The following ADGRL2 variants were observed in gnomAD, a reference collection of about 807,000 sequenced individuals.
ADGRL2 encodes calcium-independent alpha-latrotoxin receptor 2.
Under a neutral mutation model 157.4 loss-of-function variants are expected in ADGRL2, and 44 were observed. The observed-to-expected ratio is 0.28, with a 90% CI of 0.22 to 0.36. The LOEUF is 0.36. Among genes scored for constraint, ADGRL2 ranks in the 10% least tolerant of loss-of-function variants. The probability of loss-of-function intolerance (pLI) is 1.00; values close to 1 mark genes in which losing one functional copy is unlikely to be tolerated. For missense variants in ADGRL2, 1,510 were observed against 1,768.9 expected, an observed-to-expected ratio of 0.85 and a Z score of 2.63; for synonymous variants, 585 against 624.7, an observed-to-expected ratio of 0.94 and a Z score of 0.95.
chr1:81,481,385 A>G (rs2078383324), intron 2 of ADGRL2, among the ~76,000 whole-genome samples: 1 of 152,206 alleles, frequency 6.6e-6, no homozygotes, highest in African/African-American at 2.4e-5. Context: ...GAAGGATGCA[A>G]TAATCAACAT....
At chr1:81,416,376 A>T (rs2077035124) in intron 1 of ADGRL2, among the ~76,000 whole-genome samples, 1 of 151,796 alleles carries the variant, frequency 6.6e-6, no homozygotes, top group African/African-American at 2.4e-5. Flanking sequence ...CAGCACATTC[A>T]TCTCTACCTC....
chr1:81,741,486 C>A (rs2085072471), intron 1 of ADGRL2, among the ~76,000 whole-genome samples: 1 of 151,938 alleles, frequency 6.6e-6, no homozygotes, highest in Non-Finnish European at 1.5e-5. Flanking sequence ...AATTAAATTT[C>A]GTAGAGTATT....
intron 1 of ADGRL2, among the ~76,000 whole-genome samples, chr1:81,330,639 G>A (rs1442841962): frequency 1.3e-5 from 2 of 151,960 alleles, no homozygotes; most frequent in African/African-American, 2.4e-5. Context: ...ATTATACCAT[G>A]GCATTATCAT....
chr1:81,527,501 C>T (rs1026249607), intron 2 of ADGRL2, among the ~76,000 whole-genome samples: 1 of 152,122 alleles, frequency 6.6e-6, no homozygotes, highest in African/African-American at 2.4e-5. Context: ...CACCCAAGTT[C>T]AGGAGTTCGA....
intron 1 of ADGRL2, among the ~76,000 whole-genome samples, chr1:81,345,529 T>A (rs1255293212): frequency 2.0e-5 from 3 of 152,182 alleles, no homozygotes; most frequent in African/African-American, 7.2e-5. Context: ...TGTTAAAATA[T>A]AATAAAGAGA....
intron 17 of ADGRL2, among the ~76,000 whole-genome samples, chr1:81,975,566 A>G (rs1659978989): frequency 6.6e-6 from 1 of 151,818 alleles, no homozygotes; most frequent in African/African-American, 2.4e-5. Flanking sequence ...TATTTTGTAA[A>G]TGCGTATCAA....
At chr1:81,910,394 GT>G (rs962033776) in intron 3 of ADGRL2, among the ~76,000 whole-genome samples, 6 of 151,360 alleles carry the variant, frequency 4.0e-5, no homozygotes, top group Non-Finnish European at 5.9e-5. Context: ...AATTTGAGCA[GT>G]TTTTTTTCTT....
chr1:81,908,119 G>T (rs1290649972), intron 3 of ADGRL2, among the ~76,000 whole-genome samples: 1 of 152,148 alleles, frequency 6.6e-6, no homozygotes, highest in Non-Finnish European at 1.5e-5. Flanking sequence ...ATGCTATTCA[G>T]GTTGTCGCCT....
At chr1:81,481,924 A>C (rs2078397229) in intron 2 of ADGRL2, among the ~76,000 whole-genome samples, 1 of 152,140 alleles carries the variant, frequency 6.6e-6, no homozygotes, top group Admixed American at 6.5e-5. Context: ...CCAACATAAC[A>C]TATCCTTAGA....
intron 2 of ADGRL2, among the ~76,000 whole-genome samples, chr1:81,769,080 C>CT (rs2086252080): frequency 6.9e-6 from 1 of 145,858 alleles, no homozygotes; most frequent in Non-Finnish European, 1.5e-5. Flanking sequence ...GAGACTCCAT[C>CT]TCAAAAAAAA....
At chr1:81,918,767 A>G (rs918536304) in intron 3 of ADGRL2, among the ~76,000 whole-genome samples, 8 of 152,202 alleles carry the variant, frequency 5.3e-5, no homozygotes, top group African/African-American at 1.7e-4. Context: ...CTCATAGACT[A>G]TGTCGCTAAA....
chr1:81,674,756 G>A (rs2082951552), intron 3 of ADGRL2, among the ~76,000 whole-genome samples: 3 of 152,090 alleles, frequency 2.0e-5, no homozygotes, highest in Non-Finnish European at 2.9e-5. Flanking sequence ...CCCAAGGGTA[G>A]GCCTCATGGA....
At chr1:81,885,075 A>G (rs1442822256) in intron 2 of ADGRL2, among the ~76,000 whole-genome samples, 1 of 152,194 alleles carries the variant, frequency 6.6e-6, no homozygotes, top group African/African-American at 2.4e-5. Context: ...AAAATTGCCA[A>G]TTTATTTATT....
intron 1 of ADGRL2, chr1:81,735,435 C>T (rs546890768): frequency 6.6e-6 from 1 of 151,582 alleles, no homozygotes; most frequent in East Asian, 1.9e-4. Flanking sequence ...ATGCACAAGG[C>T]ATTATTTTGG....
At chr1:81,907,694 G>A (rs889127421) in intron 3 of ADGRL2, among the ~76,000 whole-genome samples, 1 of 151,838 alleles carries the variant, frequency 6.6e-6, no homozygotes. Context: ...TTTCTCATAT[G>A]ATCCATATCC....
chr1:81,803,699 T>C (rs531015681), intron 1 of ADGRL2, among the ~76,000 whole-genome samples: 5 of 152,214 alleles, frequency 3.3e-5, no homozygotes, highest in Admixed American at 1.3e-4. Context: ...GAGCTGCAGC[T>C]ACCAACCATA....
chr1:81,802,854 T>TG (rs1250854898), intron 1 of ADGRL2, among the ~76,000 whole-genome samples: 2 of 151,922 alleles, frequency 1.3e-5, no homozygotes, highest in African/African-American at 4.8e-5. Flanking sequence ...TTAGGTGGTG[T>TG]GGGGAGGCGA....
At chr1:81,920,742 C>T (rs149604411) in intron 3 of ADGRL2, among the ~76,000 whole-genome samples, 1 of 152,108 alleles carries the variant, frequency 6.6e-6, no homozygotes, top group African/African-American at 2.4e-5. Context: ...AAGAGCACTC[C>T]CAATAAGCCT....
chr1:81,670,345 C>A (rs1301264052), intron 3 of ADGRL2, among the ~76,000 whole-genome samples: 1 of 152,162 alleles, frequency 6.6e-6, no homozygotes, highest in Non-Finnish European at 1.5e-5. Context: ...ACCTTGAGGA[C>A]AAATTTCCAA....
Sources: gnomAD v4.1 joint callset for allele counts (sites outside exome capture counted in the v4.1 genomes callset) on GRCh38, gnomAD v4.1.1 for gene constraint, MANE v1.5 for transcripts, NCBI Gene and HGNC (gene_info 2026-07-23, HGNC 2026-07-21) for gene names.